The following SUPT3H variants were observed in gnomAD, a reference collection of about 807,000 sequenced individuals.
The protein encoded by SUPT3H is SPT3 homolog, SAGA and STAGA complex component, also known as transcription initiation protein SPT3 homolog.
A neutral mutation model predicts 44.3 loss-of-function variants in SUPT3H; 44 were observed. The ratio of observed to expected loss-of-function variants is 0.99; its 90% confidence interval spans 0.78 to 1.28. SUPT3H has a LOEUF of 1.28. SUPT3H is among the 50% of genes most tolerant of loss of function. The probability of loss-of-function intolerance (pLI) is 0.00; values close to 1 mark genes in which losing one functional copy is unlikely to be tolerated. For missense variants in SUPT3H, 380 were observed against 387.1 expected (o/e 0.98, Z 0.15); for synonymous variants, 124 against 125.6 (o/e 0.99, Z 0.09).
chr6:44,894,073 G>A (rs1763739409), intron 10 of SUPT3H, among the ~76,000 whole-genome samples: 1 of 136,890 alleles, frequency 7.3e-6, no homozygotes, highest in Non-Finnish European at 1.6e-5. Flanking sequence ...GGGGTTGTTT[G>A]TTTTTTTCTT....
chr6:44,909,347 C>T (rs1396906291), intron 10 of SUPT3H, among the ~76,000 whole-genome samples: 1 of 151,942 alleles, frequency 6.6e-6, no homozygotes, highest in African/African-American at 2.4e-5. Context: ...TTAATAACTC[C>T]CTCCCTAATT....
At chr6:44,977,358 C>T (rs1778473016) in intron 6 of SUPT3H, among the ~76,000 whole-genome samples, 1 of 152,132 alleles carries the variant, frequency 6.6e-6, no homozygotes, top group Admixed American at 6.6e-5. Flanking sequence ...CATGTTTATC[C>T]ACTCAACAGC....
At chr6:44,843,482 C>T (rs1475402662) in intron 10 of SUPT3H, among the ~76,000 whole-genome samples, 1 of 152,030 alleles carries the variant, frequency 6.6e-6, no homozygotes, top group Non-Finnish European at 1.5e-5. Flanking sequence ...CAATTGTTTA[C>T]ATAGAAAATA....
chr6:45,326,769 G>T (rs1306658288), intron 2 of SUPT3H, among the ~76,000 whole-genome samples: 1 of 151,850 alleles, frequency 6.6e-6, no homozygotes, highest in Non-Finnish European at 1.5e-5. Context: ...GCACTAGGAA[G>T]AACACAGGGA....
At chr6:44,940,464 C>T (rs1440656689) in intron 9 of SUPT3H, among the ~76,000 whole-genome samples, 1 of 152,026 alleles carries the variant, frequency 6.6e-6, no homozygotes, top group Non-Finnish European at 1.5e-5. Flanking sequence ...TGATATCTAT[C>T]TTGGCAAATG....
intron 3 of SUPT3H, among the ~76,000 whole-genome samples, chr6:45,033,729 T>A (rs1368454959): frequency 6.6e-6 from 1 of 152,148 alleles, no homozygotes; most frequent in Non-Finnish European, 1.5e-5. Context: ...ATATTAAGGT[T>A]ATGGATTTTA....
At chr6:44,980,256 A>G (rs1582878196) in intron 6 of SUPT3H, among the ~76,000 whole-genome samples, 2 of 152,206 alleles carry the variant, frequency 1.3e-5, no homozygotes, top group Non-Finnish European at 2.9e-5. Context: ...AAAAAAAAAA[A>G]AAAGAAAAAA....
At chr6:45,248,147 A>C (rs2153651020) in intron 2 of SUPT3H, among the ~76,000 whole-genome samples, 1 of 152,312 alleles carries the variant, frequency 6.6e-6, no homozygotes, top group East Asian at 1.9e-4. Context: ...ACTTAGAGAA[A>C]AAACTGAAGA....
At chr6:45,234,270 A>T (rs1768645195) in intron 2 of SUPT3H, among the ~76,000 whole-genome samples, 1 of 152,098 alleles carries the variant, frequency 6.6e-6, no homozygotes, top group African/African-American at 2.4e-5. Context: ...GTTGTTGAAT[A>T]AAACCAAAGA....
At chr6:44,911,643 T>C (rs768547366) in intron 10 of SUPT3H, among the ~76,000 whole-genome samples, 6 of 152,208 alleles carry the variant, frequency 3.9e-5, no homozygotes, top group Non-Finnish European at 7.3e-5. Context: ...AAAGAAGGTA[T>C]TCACAATTCT....
At chr6:45,061,349 G>A (rs1294043297) in intron 3 of SUPT3H, among the ~76,000 whole-genome samples, 3 of 152,142 alleles carry the variant, frequency 2.0e-5, no homozygotes, top group Admixed American at 2.0e-4. Context: ...TGTAGGAAGA[G>A]CTAACCAAAA....
chr6:45,106,178 T>C (rs1351030758), intron 2 of SUPT3H, among the ~76,000 whole-genome samples, 172 bp from the exon 3 acceptor site: 1 of 152,210 alleles, frequency 6.6e-6, no homozygotes, highest in Admixed American at 6.5e-5. Flanking sequence ...ACGCCTTTAA[T>C]CTCAGCACTT....
chr6:45,322,817 A>G, intron 2 of SUPT3H: 11 of 1,370,602 alleles, frequency 8.0e-6, no homozygotes, highest in Non-Finnish European at 1.0e-5. Context: ...GGCAAGATGC[A>G]CTTTCTCCAA....
intron 6 of SUPT3H, among the ~76,000 whole-genome samples, chr6:44,993,897 C>T (rs1199717158): frequency 6.6e-6 from 1 of 152,076 alleles, no homozygotes; most frequent in African/African-American, 2.4e-5. Flanking sequence ...GCACCCTAGC[C>T]CTTTTCAAGT....
chr6:45,035,578 T>G (rs1787552576), intron 3 of SUPT3H, among the ~76,000 whole-genome samples: 1 of 152,178 alleles, frequency 6.6e-6, no homozygotes, highest in African/African-American at 2.4e-5. Flanking sequence ...ATTACTTCCC[T>G]ACCTCCATCA....
chr6:45,208,136 G>A (rs1488812118), intron 2 of SUPT3H, among the ~76,000 whole-genome samples: 4 of 152,168 alleles, frequency 2.6e-5, no homozygotes, highest in Non-Finnish European at 5.9e-5. Flanking sequence ...CTTCATTGCT[G>A]ATATGGAGAA....
At chr6:45,144,288 T>C (rs552417739) in intron 2 of SUPT3H, among the ~76,000 whole-genome samples, 1 of 152,112 alleles carries the variant, frequency 6.6e-6, no homozygotes, top group Admixed American at 6.6e-5. Context: ...GATGCAAAGA[T>C]CCTTAACAAA....
chr6:45,032,407 A>G (rs1787083156), intron 3 of SUPT3H, among the ~76,000 whole-genome samples: 1 of 152,186 alleles, frequency 6.6e-6, no homozygotes, highest in Non-Finnish European at 1.5e-5. Flanking sequence ...AGACAAATAG[A>G]GAACTATAAA....
At chr6:44,996,523 G>A (rs1340238214) in intron 6 of SUPT3H, among the ~76,000 whole-genome samples, 1 of 151,274 alleles carries the variant, frequency 6.6e-6, no homozygotes, top group Non-Finnish European at 1.5e-5. Flanking sequence ...GGCTCTGAGT[G>A]ACCTTTCAGA....
Sources: allele counts gnomAD v4.1 joint callset (sites outside exome capture counted in the v4.1 genomes callset), GRCh38; gene constraint gnomAD v4.1.1; transcripts MANE v1.5; gene names NCBI Gene and HGNC (gene_info 2026-07-23, HGNC 2026-07-21).